Variants in ACVR2A observed in about 807,000 individuals in gnomAD.
ACVR2A encodes the protein activin A receptor type 2A, also known as activin receptor type-2A.
In ACVR2A, 7 loss-of-function variants were observed where a neutral mutation model predicts 61.4. The ratio of observed to expected loss-of-function variants is 0.11; its 90% CI spans 0.06 to 0.21. ACVR2A has a LOEUF of 0.21. Among genes scored for constraint, ACVR2A ranks in the 10% least tolerant of loss-of-function variants. ACVR2A has a pLI of 1.00. For synonymous variants in ACVR2A, 193 were observed against 208.3 expected (o/e 0.93, Z 0.63); for missense variants, 322 against 621.7 (o/e 0.52, Z 5.13).
chr2:147,916,343 G>A (rs1687249178), intron 5 of ACVR2A, among the ~76,000 whole-genome samples: 1 of 151,808 alleles, frequency 6.6e-6, no homozygotes, highest in African/African-American at 2.4e-5. Flanking sequence ...AAGGCATTTG[G>A]ATGATATTAA....
At chr2:147,901,040 C>T (rs1573693234) in intron 4 of ACVR2A, among the ~76,000 whole-genome samples, 1 of 152,066 alleles carries the variant, frequency 6.6e-6, no homozygotes, top group Non-Finnish European at 1.5e-5. Flanking sequence ...ATTAGGTAAA[C>T]ATTATTTTGT....
chr2:147,875,796 G>C (rs1476431778), intron 1 of ACVR2A, among the ~76,000 whole-genome samples: 1 of 152,090 alleles, frequency 6.6e-6, no homozygotes, highest in African/African-American at 2.4e-5. Flanking sequence ...TATTAGCACA[G>C]ATGTCAGATA....
intron 1 of ACVR2A, among the ~76,000 whole-genome samples, chr2:147,881,713 G>A: frequency 7.0e-6 from 1 of 142,374 alleles, no homozygotes; most frequent in Non-Finnish European, 1.5e-5. Flanking sequence ...TGCCAATATA[G>A]AAATTTTATT....
chr2:147,899,989 A>G, intron 4 of ACVR2A, 91 bp downstream of exon 4: 1 of 1,379,926 alleles, frequency 7.2e-7, no homozygotes, highest in Non-Finnish European at 9.8e-7. Context: ...ATTACAGATT[A>G]TTTTCCTTTG....
At position 147,930,399 on chromosome 2, in the gene ACVR2A, T is replaced by C. The variant is rs1032999309; in HGVS notation, c.*3125T>C. The C allele has an allele frequency of 4.0e-5, 6 of 151,868 alleles. No homozygotes were observed. Among genetic ancestry groups the C allele is most frequent in the Admixed American group, 6.6e-5 (1 of 15,172 alleles). 9.4% of individuals were successfully genotyped at this position (151,868 alleles called of 1,614,324 possible). Reference sequence around the variant, plus strand: ...AAGAAAGAAGCTTCATCACAGATACTTTCCAGTTTCTCTTTTATACTTTTT... The same window carrying C: ...AAGAAAGAAGCTTCATCACAGATACCTTCCAGTTTCTCTTTTATACTTTTT... On this transcript the variant is annotated 3_prime_UTR_variant, in exon 11 of 11. Transcript: ENST00000241416.
Position 147,930,308 on chromosome 2 carries a change from A to AGG in ACVR2A, c.*3034_*3035insGG, listed in dbSNP as rs1687642708. 7 of 151,464 alleles carry AGG rather than the reference A, an allele frequency of 4.6e-5. No individual in the cohort carries two copies. The South Asian group carries it at 1.5e-3, about 32-fold the overall frequency. The allele number at this position is 151,464 out of a possible 1,614,324, so 9.4% of individuals were successfully genotyped here. ...TGCAGGTGGTAGGGGAAAAAAAACC[A>AGG]TGGCGAGATGGTGGTTTAGTGGAAT... On this transcript the variant is annotated 3_prime_UTR_variant, in exon 11 of 11. Coordinates refer to ENST00000241416, the MANE Select transcript of ACVR2A (RefSeq NM_001616.5).
rs1180035513 is a variant in ACVR2A, at chr2:147,929,630, A to G, written c.*2356A>G. 6.6e-6 allele frequency: 1 copy of G among 152,364 alleles called. No individual in the cohort carries two copies. The highest frequency in any genetic ancestry group is 1.9e-4 in the East Asian group (1 of 5,188). The allele number at this position is 152,364 out of a possible 1,614,324, so 9.4% of individuals were successfully genotyped here. On this transcript the variant is annotated 3_prime_UTR_variant, in exon 11 of 11. Coordinates refer to ENST00000241416, the MANE Select transcript of ACVR2A (RefSeq NM_001616.5). ...TGTTCCAGTGACTACCTGTCCTTAT[A>G]CCTAGTCTTGTTAAAACTTTCTTTT...
At chr2:147,892,156 G>T (rs902202501) in intron 1 of ACVR2A, among the ~76,000 whole-genome samples, 1 of 151,972 alleles carries the variant, frequency 6.6e-6, no homozygotes. Flanking sequence ...ATTTTTAACA[G>T]AGAAGGGGTT....
At position 147,892,442 on chromosome 2, in the gene ACVR2A, A is replaced by G. The variant is rs937211050; in HGVS notation, c.56-3859A>G. Among the ~76,000 whole-genome samples the G allele has an allele frequency of 1.6e-4, 20 of 123,182 alleles. No individual in the cohort carries two copies. In the South Asian group the frequency reaches 2.1e-3, roughly 13 times the overall value. 80.8% of individuals were successfully genotyped at this position (123,182 alleles called of 152,430 possible). A position where few individuals can be genotyped will look rare whatever the true frequency, so the allele number is the denominator to read the frequency against. ...AGTATATTGTAGAACCACTGTTCTCAAACTTTTTAGTCTCAGGACTTCTTT... is the reference window on the plus strand; with the variant it reads ...AGTATATTGTAGAACCACTGTTCTCGAACTTTTTAGTCTCAGGACTTCTTT... On this transcript the variant is annotated intron_variant, in intron 1 of 10. Transcript: ENST00000241416.
At chr2:147,919,017 C>G (rs537992137) in intron 7 of ACVR2A, among the ~76,000 whole-genome samples, 2 of 152,104 alleles carry the variant, frequency 1.3e-5, no homozygotes, top group Admixed American at 1.3e-4. Context: ...GGAGGCATCA[C>G]TTAAAACAGT....
chr2:147,926,971 A>G, intron 10 of ACVR2A, 109 bp from the exon 11 acceptor site: 1 of 1,053,608 alleles, frequency 9.5e-7, no homozygotes, highest in Non-Finnish European at 1.4e-6. Context: ...ATGTTGACAG[A>G]AACTTCTTTG....
rs765617808 is a variant in ACVR2A, at chr2:147,927,181, G to C, written c.1449G>C (p.Gln483His). The stretch of plus-strand genomic sequence containing the variant: ...TAGGTGAAAGAATTACCCAGATGCA[G>C]AGACTAACAAATATTATTACCACAG... ...GCVGERITQM[Q>H]RLTNIITTED... The change falls in exon 11 of 11, where the codon CAG (glutamine) becomes CAC (histidine). Residue 483 changes from glutamine to histidine, a missense_variant. Around this residue, in one of 3 missense-constraint regions of ACVR2A, gnomAD observed 34 missense variants for 37.6 expected, o/e 0.91. Coordinates refer to ENST00000241416, the MANE Select transcript of ACVR2A (RefSeq NM_001616.5). The C allele has an allele frequency of 1.9e-6, 3 of 1,612,368 alleles. No individual in the cohort carries two copies. The highest frequency in any genetic ancestry group is 2.5e-6 in the Non-Finnish European group (3 of 1,178,890).
At chr2:147,913,922 A>C (rs1487116855) in intron 4 of ACVR2A, among the ~76,000 whole-genome samples, 1 of 149,192 alleles carries the variant, frequency 6.7e-6, no homozygotes, top group Non-Finnish European at 1.5e-5. Context: ...TTCTAAAGCC[A>C]TTTTATAAAG....
intron 4 of ACVR2A, among the ~76,000 whole-genome samples, chr2:147,908,762 C>T (rs1687048346): frequency 6.6e-6 from 1 of 151,832 alleles, no homozygotes; most frequent in East Asian, 1.9e-4. Flanking sequence ...GATAGGAGGA[C>T]CTTAATTCGT....
chr2:147,866,265 A>G (rs73964119), intron 1 of ACVR2A, among the ~76,000 whole-genome samples: 4,116 of 152,334 alleles, frequency 0.027, 125 homozygotes, highest in African/African-American at 0.058. Context: ...TGTCCTTTTC[A>G]GTGATACCTG....
At chr2:147,893,772 G>T (rs1313641332) in intron 1 of ACVR2A, among the ~76,000 whole-genome samples, 1 of 152,094 alleles carries the variant, frequency 6.6e-6, no homozygotes, top group Non-Finnish European at 1.5e-5. Context: ...TATTTTCTGA[G>T]CATCAGTCCT....
chr2:147,845,027 T>TTTTTTTTTTTTTTTGGG, upstream of ACVR2A: 1 of 241,322 alleles, frequency 4.1e-6, no homozygotes, highest in Admixed American at 5.5e-5. Flanking sequence ...TTTTTTTTTT[T>TTTTTTTTTTTTTTTGGG]GGTCTGGGCT....
At chr2:147,878,635 A>G (rs1177668014) in intron 1 of ACVR2A, among the ~76,000 whole-genome samples, 4 of 152,094 alleles carry the variant, frequency 2.6e-5, no homozygotes, top group South Asian at 2.1e-4. Flanking sequence ...TAGGCTGGGC[A>G]TGGTGGCTCA....
chr2:147,904,552 A>G (rs527860838), intron 4 of ACVR2A, among the ~76,000 whole-genome samples: 97 of 152,086 alleles, frequency 6.4e-4, no homozygotes, highest in African/African-American at 2.3e-3. Flanking sequence ...AGCCTGTTCA[A>G]TCTTTATGAT....
Sources: gnomAD v4.1 joint callset for allele counts (sites outside exome capture counted in the v4.1 genomes callset) on GRCh38, gnomAD v4.1.1 for gene constraint, gnomAD v4.1.1 regional missense constraint, MANE v1.5 for transcripts, NCBI Gene and HGNC (gene_info 2026-07-23, HGNC 2026-07-21) for gene names.